PWWP2B: variants seen among roughly 807,000 people sequenced by gnomAD.
PWWP2B encodes PWWP domain containing 2B.
A neutral mutation model predicts 15.5 loss-of-function variants in PWWP2B; 9 were observed. The ratio of observed to expected loss-of-function variants is 0.58; its 90% confidence interval spans 0.35 to 1.02. The LOEUF (loss-of-function observed/expected upper bound fraction) is 1.02, where lower values mean the gene tolerates loss of function less well. PWWP2B is among the 50% of genes least tolerant of loss of function. The pLI is 0.02. For synonymous variants in PWWP2B, 474 were observed against 403.6 expected (o/e 1.17, Z -2.09); for missense variants, 864 against 865.3 (o/e 1.00, Z 0.02).
In PWWP2B at chr10:132,404,789, A is replaced by T; in HGVS notation, c.289A>T (p.Thr97Ser). The part of the protein sequence containing the change: ...PARGVQPPET[T>S]RPEPPPPLVP... ...CCGCGGGGTTCAGCCCCCCGAGACC[A>T]CCCGCCCCGAGCCACCCCCGCCCCT... The change falls in exon 2 of 3, where the codon ACC (threonine) becomes TCC (serine). Residue 97 changes from threonine to serine, a missense_variant. Transcript: ENST00000305233. 1 of 1,300,700 alleles carries T rather than the reference A, an allele frequency of 7.7e-7. No individual in the cohort carries two copies. The allele number at this position is 1,300,700 out of a possible 1,614,324, so 80.6% of individuals were successfully genotyped here. A position where few individuals can be genotyped will look rare whatever the true frequency, so the allele number is the denominator to read the frequency against.
chr10:132,406,030 C>T lies in PWWP2B; in HGVS notation c.1530C>T (p.Asp510=). ...GFPWWPARVL[D]ISLGQKEDGE... ...CTTGGTGGCCGGCGCGTGTTCTTGA[C>T]ATCAGTCTCGGCCAGAAGGAGGACG... Residue 510 remains aspartate, a synonymous_variant, in exon 2 of 3, where the codon GAC becomes GAT. Transcript: ENST00000305233. The T allele has an allele frequency of 1.2e-6, 2 of 1,613,792 alleles. No individual in the cohort carries two copies. The highest frequency in any genetic ancestry group is 1.7e-6 in the Non-Finnish European group (2 of 1,180,002).
At chr10:132,404,341 C>T (rs1194483402) in intron 1 of PWWP2B, among the ~76,000 whole-genome samples, 8 of 152,122 alleles carry the variant, frequency 5.3e-5, no homozygotes, top group African/African-American at 4.8e-5. Flanking sequence ...GACTGAGATT[C>T]GGAGCCTCTG....
chr10:132,413,344 C>T (rs944271694), intron 2 of PWWP2B, among the ~76,000 whole-genome samples: 3 of 152,074 alleles, frequency 2.0e-5, no homozygotes, highest in Non-Finnish European at 2.9e-5. Context: ...ATGATAGTTT[C>T]GGAAGAAAAG....
intron 2 of PWWP2B, among the ~76,000 whole-genome samples, chr10:132,409,005 C>A (rs1590763140): frequency 1.3e-5 from 2 of 152,250 alleles, no homozygotes; most frequent in East Asian, 3.8e-4. Flanking sequence ...TGGAGGTGCG[C>A]CGAGGCTGGG....
intron 1 of PWWP2B, among the ~76,000 whole-genome samples, chr10:132,398,369 C>T (rs1197808411): frequency 6.6e-6 from 1 of 152,242 alleles, no homozygotes; most frequent in East Asian, 1.9e-4. Context: ...GTGTGGGCTA[C>T]CGCTGGGAGT....
chr10:132,406,062 C>G lies in PWWP2B; in HGVS notation c.1562C>G (p.Pro521Arg), dbSNP rs1210357797. 12 of 1,613,418 alleles carry G rather than the reference C, an allele frequency of 7.4e-6. No homozygotes were observed. The highest frequency in any genetic ancestry group is 9.3e-6 in the Non-Finnish European group (11 of 1,179,762). The change falls in exon 2 of 3, where the codon CCG (proline) becomes CGG (arginine). Residue 521 changes from proline (P) to arginine (R), a missense_variant. This residue lies in a region of PWWP2B where 128 missense variants were observed against 177.6 expected (regional missense o/e 0.72). Coordinates refer to ENST00000305233, the MANE Select transcript of PWWP2B (RefSeq NM_138499.4). Reference protein sequence around the residue: ...ISLGQKEDGEPSWREAKVSWF... With the variant: ...ISLGQKEDGERSWREAKVSWF... ...CTCGGCCAGAAGGAGGACGGAGAGC[C>G]GTCTTGGCGAGAAGCGAAGGTCTCG... is the stretch of plus-strand genomic sequence containing the variant.
rs370343331 is a variant in PWWP2B at position 132,404,932 on chromosome 10, G to T, written c.432G>T (p.Pro144=). 1.6e-5 allele frequency: 25 copies of T among 1,594,530 alleles called. No individual in the cohort carries two copies. The African/African-American group carries it at 3.2e-4, about 20-fold the overall frequency. Residue 144 remains proline, a synonymous_variant, in exon 2 of 3, where the codon CCG becomes CCT. Coordinates refer to ENST00000305233, the MANE Select transcript of PWWP2B (RefSeq NM_138499.4). ...DTYKLWVPQP[P]PRTIKRTRRR... is the part of the protein sequence containing the mutation. ...ACAAGCTGTGGGTGCCCCAGCCGCC[G>T]CCCAGGACCATCAAGCGCACGCGGC...
rs2069658474 is a variant in PWWP2B at position 132,404,677 on chromosome 10, G to T, written c.177G>T (p.Glu59Asp). 6.2e-7 allele frequency: 1 copy of T among 1,612,698 alleles called. No individual in the cohort carries two copies. Among genetic ancestry groups the T allele is most frequent in the Non-Finnish European group, 8.5e-7 (1 of 1,179,828 alleles). ...TGGCTCCGCTGCCCCAGGTCGATGA[G>T]TCCCCTGTCAACGACAGCCATGGCC... ...PPLAPLPQVD[E>D]SPVNDSHGRA... Residue 59 changes from glutamate (E) to aspartate (D), a missense_variant, in exon 2 of 3, where the codon GAG becomes GAT. By Grantham distance (45) the Glu-to-Asp change is conservative (BLOSUM62 2). Around this residue, in one of 2 missense-constraint regions of PWWP2B, gnomAD observed 736 missense variants for 687.7 expected, o/e 1.07. Coordinates refer to ENST00000305233, the MANE Select transcript of PWWP2B (RefSeq NM_138499.4).
At position 132,405,016 on chromosome 10, in the gene PWWP2B, G is replaced by A. The variant is rs1172935187; in HGVS notation, c.516G>A (p.Arg172=). The part of the protein sequence containing the change: ...GRLILSTIRL[R]PRQVLCEKCK... ...TCATCCTCAGCACCATCCGCCTGCG[G>A]CCGCGCCAGGTGCTCTGTGAGAAGT... is the stretch of plus-strand genomic sequence containing the variant. The change falls in exon 2 of 3, where the codon CGG becomes CGA. Residue 172 remains arginine (R), a synonymous_variant. Coordinates refer to ENST00000305233, the MANE Select transcript of PWWP2B (RefSeq NM_138499.4). 3 of 1,536,600 alleles carry A rather than the reference G, an allele frequency of 2.0e-6. No individual in the cohort carries two copies. The highest frequency in any genetic ancestry group is 2.6e-6 in the Non-Finnish European group (3 of 1,146,672).
chr10:132,413,073 G>A (rs1393982575), intron 2 of PWWP2B, among the ~76,000 whole-genome samples: 1 of 152,196 alleles, frequency 6.6e-6, no homozygotes, highest in South Asian at 2.1e-4. Flanking sequence ...AGGCAGCCAC[G>A]TCCCTGGGAG....
In PWWP2B at chr10:132,405,898, G is replaced by A. The variant is rs550478362; in HGVS notation, c.1398G>A (p.Pro466=). The A allele has an allele frequency of 2.2e-5, 36 of 1,611,916 alleles. 1 individual carries two copies. The South Asian group carries it at 2.4e-4, about 11-fold the overall frequency. ...SVSREARQTV[P]PLTVRLHTQS... ...CCAGAGAGGCTCGCCAAACGGTGCC[G>A]CCCCTGACGGTCAGGCTGCACACAC... Residue 466 remains proline, a synonymous_variant, in exon 2 of 3, where the codon CCG becomes CCA. Coordinates refer to ENST00000305233, the MANE Select transcript of PWWP2B (RefSeq NM_138499.4).
intron 2 of PWWP2B, among the ~76,000 whole-genome samples, chr10:132,414,826 G>A (rs998456735): frequency 6.6e-6 from 1 of 152,196 alleles, no homozygotes; most frequent in Non-Finnish European, 1.5e-5. Flanking sequence ...GTGAAGCCTC[G>A]TGGTGTGGAG....
At chr10:132,410,441 G>A (rs2069763245) in intron 2 of PWWP2B, among the ~76,000 whole-genome samples, 1 of 152,224 alleles carries the variant, frequency 6.6e-6, no homozygotes. Flanking sequence ...CAGGTGACTG[G>A]ATGTGTGCAC....
chr10:132,400,964 C>T (rs1311899400), intron 1 of PWWP2B, among the ~76,000 whole-genome samples: 4 of 152,192 alleles, frequency 2.6e-5, no homozygotes, highest in Admixed American at 6.5e-5. Flanking sequence ...CGTGGGGAGG[C>T]GCTGCCAGCG....
At position 132,417,230 on chromosome 10, in the gene PWWP2B, C is replaced by T; in HGVS notation, c.*186C>T. The T allele has an allele frequency of 1.3e-6, 1 of 783,516 alleles. No homozygotes were observed. Among genetic ancestry groups the T allele is most frequent in the Non-Finnish European group, 2.2e-6 (1 of 459,882 alleles). The allele number at this position is 783,516 out of a possible 1,614,324, so 48.5% of individuals were successfully genotyped here. On this transcript the variant is annotated 3_prime_UTR_variant, in exon 3 of 3. Coordinates refer to ENST00000305233, the MANE Select transcript of PWWP2B (RefSeq NM_138499.4). ...GTCCAGGGAGGGGATGGCCCTGAGC[C>T]CAGCGGCTCCTCCCGCTGAGTGTAT...
In PWWP2B at chr10:132,406,366, G is replaced by C. The variant is rs533340910; in HGVS notation, c.*16+77G>C. 31 of 1,271,082 alleles carry C rather than the reference G, an allele frequency of 2.4e-5. No homozygotes were observed. In the South Asian group the frequency reaches 4.4e-4, roughly 18 times the overall value. 78.7% of individuals were successfully genotyped at this position (1,271,082 alleles called of 1,614,324 possible). A position where few individuals can be genotyped will look rare whatever the true frequency, so the allele number is the denominator to read the frequency against. On this transcript the variant is annotated intron_variant, in intron 2 of 2. Coordinates refer to ENST00000305233, the MANE Select transcript of PWWP2B (RefSeq NM_138499.4). ...TGTGTCCAGGCCATGCCTCTGCTCCGGGCCCTGAGGCCCAGGGAGCCGCCG... is the reference window on the plus strand; with the variant it reads ...TGTGTCCAGGCCATGCCTCTGCTCCCGGCCCTGAGGCCCAGGGAGCCGCCG...
intron 2 of PWWP2B, among the ~76,000 whole-genome samples, chr10:132,412,121 G>A (rs2069789438): frequency 6.6e-6 from 1 of 152,248 alleles, no homozygotes. Context: ...CCATGTTGGT[G>A]GGGCAGGCGG....
intron 1 of PWWP2B, among the ~76,000 whole-genome samples, chr10:132,402,015 C>G (rs923537279): frequency 6.6e-6 from 1 of 152,248 alleles, no homozygotes; most frequent in Non-Finnish European, 1.5e-5. Flanking sequence ...GGAAGTATGG[C>G]TGCCTGACGT....
chr10:132,416,605 C>T (rs747539875), intron 2 of PWWP2B, among the ~76,000 whole-genome samples: 16 of 152,252 alleles, frequency 1.1e-4, no homozygotes, highest in African/African-American at 2.4e-4. Flanking sequence ...GATCCCCATG[C>T]GTGGGGCTGT....
Sources: gnomAD v4.1 joint callset for allele counts (sites outside exome capture counted in the v4.1 genomes callset) on GRCh38, gnomAD v4.1.1 for gene constraint, gnomAD v4.1.1 regional missense constraint, MANE v1.5 for transcripts, NCBI Gene and HGNC (gene_info 2026-07-23, HGNC 2026-07-21) for gene names.